The following DOCK1 variants were observed in gnomAD, a reference collection of about 807,000 sequenced individuals.
DOCK1 encodes the protein dedicator of cytokinesis 1.
Under a neutral mutation model 262.7 loss-of-function variants are expected in DOCK1, and 138 were observed. That is an observed-to-expected ratio of 0.53 (90% CI 0.46 to 0.61). The LOEUF (loss-of-function observed/expected upper bound fraction) is 0.61. Ranked by LOEUF, DOCK1 falls within the 20% of genes least tolerant of loss-of-function variation. DOCK1 has a pLI of 0.00. For synonymous variants in DOCK1, 866 were observed against 867.4 expected (o/e 1.00, Z 0.03); for missense variants, 1,908 against 2,370.7 (o/e 0.80, Z 4.05).
intron 29 of DOCK1, among the ~76,000 whole-genome samples, chr10:127,279,808 G>A (rs530431316): frequency 2.5e-4 from 38 of 152,022 alleles, no homozygotes; most frequent in Middle Eastern, 6.8e-3. Context: ...GGAGAGCCTG[G>A]TAATTTATAA....
In DOCK1 at chr10:127,272,814, C is replaced by T. The variant is rs753982155; in HGVS notation, c.3044+15385C>T. ...CAGAAGGTGAAGGGCATGTCTCACA[C>T]GGTGGCAGACAAGAGAAGAGAGCTT... On this transcript the variant is annotated intron_variant, in intron 29 of 51. Transcript: ENST00000623213. Among the ~76,000 whole-genome samples the T allele has an allele frequency of 1.0e-3, 153 of 152,304 alleles. 1 individual carries two copies. The highest frequency in any genetic ancestry group is 3.4e-3 in the Middle Eastern group (1 of 294).
At chr10:127,182,205 C>T (rs2055803182) in intron 27 of DOCK1, among the ~76,000 whole-genome samples, 1 of 152,128 alleles carries the variant, frequency 6.6e-6, no homozygotes, top group Non-Finnish European at 1.5e-5. Flanking sequence ...GGAAAAGGGG[C>T]ACTCACAGAG....
At chr10:127,410,969 T>C (rs1436381092) in intron 43 of DOCK1, 45 bp downstream of exon 43, 6 of 1,580,638 alleles carry the variant, frequency 3.8e-6, no homozygotes, top group Non-Finnish European at 5.2e-6. Context: ...AAAAATATCA[T>C]TCCGCCACCA....
At chr10:127,147,303 GTCC>G (rs1467836067) in intron 27 of DOCK1, among the ~76,000 whole-genome samples, 1 of 152,096 alleles carries the variant, frequency 6.6e-6, no homozygotes, top group East Asian at 1.9e-4. Context: ...CTGGCTGTTT[GTCC>G]TCCTAGTTCC....
chr10:126,909,342 C>T (rs2031420269), intron 1 of DOCK1, among the ~76,000 whole-genome samples: 1 of 152,172 alleles, frequency 6.6e-6, no homozygotes, highest in Non-Finnish European at 1.5e-5. Context: ...GCTAAGAGCC[C>T]AGCCAGCCAA....
chr10:127,412,487 C>A (rs7920698), intron 43 of DOCK1, among the ~76,000 whole-genome samples: 38,776 of 152,000 alleles, frequency 0.26, 5,235 homozygotes, highest in African/African-American at 0.33. Context: ...GGAAATCCTT[C>A]TGTACTCCTG....
chr10:127,398,743 G>A (rs1028015574), intron 38 of DOCK1, among the ~76,000 whole-genome samples: 16 of 152,150 alleles, frequency 1.1e-4, no homozygotes, highest in East Asian at 5.8e-4. Context: ...AACCAGAGTC[G>A]CCCACCAGTA....
intron 10 of DOCK1, among the ~76,000 whole-genome samples, chr10:127,004,660 G>A (rs934042301): frequency 6.6e-6 from 1 of 151,822 alleles, no homozygotes; most frequent in Non-Finnish European, 1.5e-5. Flanking sequence ...GAGGTGGGGG[G>A]ATCACCTGAG....
rs75667680 is a variant in DOCK1 at position 127,063,998 on chromosome 10, C to T, written c.2445+2222C>T. On this transcript the variant is annotated intron_variant, in intron 23 of 51. Transcript: ENST00000623213. ...TTCACAATAGGTGCTTTCTCGATGA[C>T]GTTGGAAATTTAAAGATTCCCATCG... Among the ~76,000 whole-genome samples the T allele has an allele frequency of 5.1e-3, 775 of 152,290 alleles. 5 individuals are homozygous for T. Among genetic ancestry groups the T allele is most frequent in the African/African-American group, 0.017 (724 of 41,546 alleles).
At chr10:127,167,483 T>C (rs1325098518) in intron 27 of DOCK1, among the ~76,000 whole-genome samples, 1 of 152,156 alleles carries the variant, frequency 6.6e-6, no homozygotes, top group Non-Finnish European at 1.5e-5. Context: ...CTTTTATTGA[T>C]GGAGATCTGC....
intron 33 of DOCK1, among the ~76,000 whole-genome samples, chr10:127,370,058 C>A (rs1387959413): frequency 2.0e-5 from 3 of 152,038 alleles, no homozygotes; most frequent in Non-Finnish European, 2.9e-5. Flanking sequence ...TTTCTCCCAC[C>A]CACCTCCCCC....
rs907466832 is a variant in DOCK1, at chr10:127,100,606, G to C, written c.2446-5625G>C. Among the ~76,000 whole-genome samples, 2 of 152,086 alleles carry C rather than the reference G, an allele frequency of 1.3e-5. No homozygotes were observed. The highest frequency in any genetic ancestry group is 4.8e-5 in the African/African-American group (2 of 41,418). ...GGCATGGCAGGAGGTGAGGTCCCTT[G>C]TGGGATATGTGGAGGGACCCCGAGG... On this transcript the variant is annotated intron_variant, in intron 23 of 51. Transcript: ENST00000623213. The surrounding 1 kb of genome is among the most constrained non-coding windows in gnomAD (Gnocchi z 5.5).
At chr10:127,066,421 T>C (rs996146748) in intron 23 of DOCK1, among the ~76,000 whole-genome samples, 3 of 152,206 alleles carry the variant, frequency 2.0e-5, no homozygotes, top group African/African-American at 7.2e-5. Flanking sequence ...GGCATCTCTT[T>C]TGGTGTTTTC....
At chr10:127,113,219 G>A (rs934225238) in intron 25 of DOCK1, among the ~76,000 whole-genome samples, 2 of 151,978 alleles carry the variant, frequency 1.3e-5, no homozygotes, top group Non-Finnish European at 1.5e-5. Flanking sequence ...AACTCTCTTT[G>A]TGTTCAGATT....
chr10:127,131,902 C>T (rs2050350305), intron 27 of DOCK1, among the ~76,000 whole-genome samples: 1 of 152,132 alleles, frequency 6.6e-6, no homozygotes, highest in Admixed American at 6.5e-5. Flanking sequence ...TATGAATCAG[C>T]TTAAAAATTC....
intron 47 of DOCK1, among the ~76,000 whole-genome samples, chr10:127,427,414 A>T (rs1282936793): frequency 1.3e-5 from 2 of 152,088 alleles, no homozygotes; most frequent in Non-Finnish European, 2.9e-5. Flanking sequence ...TGACACATTG[A>T]TCTCAATAAG....
intron 25 of DOCK1, among the ~76,000 whole-genome samples, chr10:127,121,546 ATCT>A: frequency 6.6e-6 from 1 of 151,644 alleles, no homozygotes; most frequent in Admixed American, 6.6e-5. Flanking sequence ...TTGATTTGCT[ATCT>A]TAAGACAAAA....
At chr10:126,912,430 C>CA (rs35586867) in intron 1 of DOCK1, among the ~76,000 whole-genome samples, 37,125 of 137,666 alleles carry the variant, frequency 0.27, 5,246 homozygotes, top group East Asian at 0.54. Context: ...AACTCCATCT[C>CA]AAAAAAAAAA....
chr10:127,273,830 G>A (rs1048881139), intron 29 of DOCK1, among the ~76,000 whole-genome samples: 11 of 151,600 alleles, frequency 7.3e-5, no homozygotes, highest in Admixed American at 1.3e-4. Flanking sequence ...TGCAGTGAGC[G>A]GAGATTGCGC....
Sources: allele counts gnomAD v4.1 joint callset (sites outside exome capture counted in the v4.1 genomes callset), GRCh38; gene constraint gnomAD v4.1.1; non-coding constraint Gnocchi (gnomAD v3.1); transcripts MANE v1.5; gene names NCBI Gene and HGNC (gene_info 2026-07-23, HGNC 2026-07-21).